BICRAL: variants seen among roughly 807,000 people sequenced by gnomAD.
BICRAL encodes BRD4-interacting chromatin-remodeling complex-associated protein-like.
Under a neutral mutation model 91.8 loss-of-function variants are expected in BICRAL, and 8 were observed. The ratio of observed to expected loss-of-function variants is 0.09; its 90% confidence interval spans 0.05 to 0.16. The LOEUF (loss-of-function observed/expected upper bound fraction) is 0.16, where lower values mean the gene tolerates loss of function less well. BICRAL is among the 10% of genes least tolerant of loss of function. The pLI is 1.00. For missense variants in BICRAL, 1,038 were observed against 1,310.9 expected (o/e 0.79, Z 3.21); for synonymous variants, 445 against 491.1 (o/e 0.91, Z 1.24).
intron 2 of BICRAL, among the ~76,000 whole-genome samples, chr6:42,815,500 C>T (rs1192841246): frequency 6.6e-6 from 1 of 151,878 alleles, no homozygotes; most frequent in African/African-American, 2.4e-5. Context: ...CCCAGAATAT[C>T]TTAAATAGGC....
intron 1 of BICRAL, among the ~76,000 whole-genome samples, chr6:42,802,691 C>T (rs1464986659): frequency 6.6e-6 from 1 of 152,114 alleles, no homozygotes; most frequent in Non-Finnish European, 1.5e-5. Flanking sequence ...AGGTGATCTG[C>T]CCACCTCAGC....
At chr6:42,785,776 C>T (rs1763088416) in intron 1 of BICRAL, among the ~76,000 whole-genome samples, 1 of 151,956 alleles carries the variant, frequency 6.6e-6, no homozygotes, top group African/African-American at 2.4e-5. Context: ...CAGGTCAGGG[C>T]CAGGCACAGT....
chr6:42,845,291 C>T (rs1398488055), intron 6 of BICRAL, among the ~76,000 whole-genome samples: 1 of 122,420 alleles, frequency 8.2e-6, no homozygotes, highest in Non-Finnish European at 1.6e-5. Context: ...TGCAATGGTG[C>T]GATCTCGGCT....
chr6:42,791,586 A>C (rs531409138), intron 1 of BICRAL, among the ~76,000 whole-genome samples: 1 of 152,128 alleles, frequency 6.6e-6, no homozygotes, highest in Admixed American at 6.5e-5. Flanking sequence ...TATTTGTTAA[A>C]CCTTCACCTT....
intron 1 of BICRAL, among the ~76,000 whole-genome samples, chr6:42,784,361 G>A (rs1438597492): frequency 6.6e-6 from 1 of 152,166 alleles, no homozygotes; most frequent in East Asian, 1.9e-4. Flanking sequence ...GGTCTATAAA[G>A]CTCTGATCTC....
intron 3 of BICRAL, 104 bp from the exon 4 acceptor site, chr6:42,822,692 C>T: frequency 1.7e-6 from 1 of 574,912 alleles, no homozygotes; most frequent in Non-Finnish European, 3.1e-6. Context: ...GAGGATTTTA[C>T]TCAGGTAATA....
At chr6:42,771,486 G>A (rs1762724450) in intron 1 of BICRAL, among the ~76,000 whole-genome samples, 2 of 151,800 alleles carry the variant, frequency 1.3e-5, no homozygotes, top group Non-Finnish European at 2.9e-5. Context: ...ACCCCTGTGG[G>A]GGTGGCGGGG....
intron 1 of BICRAL, among the ~76,000 whole-genome samples, chr6:42,759,623 G>T (rs1762516109): frequency 3.9e-5 from 6 of 152,184 alleles, no homozygotes. Flanking sequence ...ACCTGGAGGA[G>T]AAGGTTTGGA....
chr6:42,781,958 A>AG (rs1185566351), upstream of BICRAL: 1 of 146,330 alleles, frequency 6.8e-6, no homozygotes, highest in African/African-American at 2.5e-5. Context: ...AGCGAGAGAG[A>AG]GAGCGGAGCG....
At position 42,835,193 on chromosome 6, in the gene BICRAL, A is replaced by G. The variant is rs185313175; in HGVS notation, c.1839+5021A>G. ...GCCCAGGCTGGAGTGCAATGGCACG[A>G]TATCTGCTCACTGCAACCTCTGCCT... On this transcript the variant is annotated intron_variant, in intron 6 of 12. Coordinates refer to ENST00000314073, the MANE Select transcript of BICRAL (RefSeq NM_001393499.1). Among the ~76,000 whole-genome samples, 6 of 151,906 alleles carry G rather than the reference A, an allele frequency of 3.9e-5. No homozygotes were observed. In the East Asian group the frequency reaches 1.2e-3, roughly 29 times the overall value.
At chr6:42,842,247 C>G (rs143130636) in intron 6 of BICRAL, among the ~76,000 whole-genome samples, 5 of 152,278 alleles carry the variant, frequency 3.3e-5, no homozygotes, top group African/African-American at 7.2e-5. Flanking sequence ...AAAGTGCAGC[C>G]AGGATACAGA....
chr6:42,794,723 C>T (rs1005959506), intron 1 of BICRAL, among the ~76,000 whole-genome samples: 2 of 148,326 alleles, frequency 1.3e-5, no homozygotes, highest in Admixed American at 6.9e-5. Flanking sequence ...CTGAGGCGGG[C>T]GGATCACTTG....
chr6:42,812,271 C>T (rs758064198), intron 2 of BICRAL, among the ~76,000 whole-genome samples: 13 of 152,148 alleles, frequency 8.5e-5, no homozygotes, highest in Non-Finnish European at 1.8e-4. Context: ...CCAGCCTGGG[C>T]AACATGGTGA....
rs116016956 is a variant in BICRAL at position 42,755,584 on chromosome 6, C to G, written c.-261+8561C>G. 7.1e-3 allele frequency among the ~76,000 whole-genome samples: 1,085 copies of G among 152,234 alleles called. 13 individuals are homozygous for G. Among genetic ancestry groups the G allele is most frequent in the African/African-American group, 0.025 (1,054 of 41,536 alleles). On this transcript the variant is annotated intron_variant, in intron 1 of 14. Coordinates refer to the BICRAL transcript ENST00000614467. Reference sequence around the variant, plus strand: ...TGAAGACCCACCTCTTTGTCTCTCTCCTTCTCACTCAGGGCAAAGCTCCCA... The same window carrying G: ...TGAAGACCCACCTCTTTGTCTCTCTGCTTCTCACTCAGGGCAAAGCTCCCA...
At chr6:42,788,163 T>C (rs1238302142) in intron 1 of BICRAL, among the ~76,000 whole-genome samples, 2 of 151,320 alleles carry the variant, frequency 1.3e-5, no homozygotes, top group East Asian at 3.9e-4. Context: ...TGAGAATATT[T>C]AATAGAGAAG....
chr6:42,792,741 C>T (rs1027474476), intron 1 of BICRAL, among the ~76,000 whole-genome samples: 3 of 151,788 alleles, frequency 2.0e-5, no homozygotes, highest in African/African-American at 4.8e-5. Flanking sequence ...GAAGAAACCC[C>T]ATCTCTACTA....
intron 11 of BICRAL, among the ~76,000 whole-genome samples, chr6:42,862,046 A>G (rs1399162379): frequency 6.6e-6 from 1 of 151,414 alleles, no homozygotes; most frequent in East Asian, 1.9e-4. Flanking sequence ...GTCTGTAATA[A>G]TTGTTCTCAG....
intron 1 of BICRAL, among the ~76,000 whole-genome samples, chr6:42,757,549 G>C (rs1265250583): frequency 6.6e-6 from 1 of 152,162 alleles, no homozygotes; most frequent in East Asian, 1.9e-4. Flanking sequence ...ACCATGCCCG[G>C]CTAATTTTTG....
At chr6:42,753,954 G>A (rs1215655073) in intron 1 of BICRAL, among the ~76,000 whole-genome samples, 3 of 147,544 alleles carry the variant, frequency 2.0e-5, no homozygotes, top group African/African-American at 7.6e-5. Flanking sequence ...TTACAGGCAT[G>A]AGCCACTACA....
Sources: allele counts gnomAD v4.1 joint callset (sites outside exome capture counted in the v4.1 genomes callset), GRCh38; gene constraint gnomAD v4.1.1; transcripts MANE v1.5; gene names NCBI Gene and HGNC (gene_info 2026-07-23, HGNC 2026-07-21).